Variants in PMS2 observed in about 807,000 individuals in gnomAD.
The protein encoded by PMS2 is mismatch repair endonuclease PMS2.
In PMS2, 69 loss-of-function variants were observed where a neutral mutation model predicts 90.0. The ratio of observed to expected loss-of-function variants is 0.77; its 90% CI spans 0.63 to 0.94. PMS2 has a LOEUF of 0.94. Ranked by LOEUF, PMS2 falls within the 40% of genes least tolerant of loss-of-function variation. The pLI is 0.00. For synonymous variants in PMS2, 332 were observed against 375.1 expected (o/e 0.89, Z 1.33); for missense variants, 966 against 1,040.2 (o/e 0.93, Z 0.98).
intron 2 of PMS2, among the ~76,000 whole-genome samples, chr7:6,005,619 G>A (rs1286400561): frequency 6.6e-6 from 1 of 152,162 alleles, no homozygotes; most frequent in Non-Finnish European, 1.5e-5. Flanking sequence ...TTATAGGCGT[G>A]AGACACCACG....
In PMS2 at chr7:5,978,709, A is replaced by G. The variant is rs748722013; in HGVS notation, c.2175-13T>C. 1.4e-5 allele frequency: 21 copies of G among 1,552,378 alleles called. 1 individual carries two copies. In the Admixed American group the frequency reaches 3.5e-4, roughly 26 times the overall value. On this transcript the variant is annotated splice_polypyrimidine_tract_variant and intron_variant, in intron 12 of 14. Coordinates refer to ENST00000265849, the MANE Select transcript of PMS2 (RefSeq NM_000535.7). ...GAGAGTCTGAGGTCTGAAAAACACA[A>G]AAATGATTCAAACCATATCCTGAAG... is the stretch of plus-strand genomic sequence containing the variant.
rs775240349 is a variant in PMS2, at chr7:5,996,577, TA to T, written c.803+748del. Among the ~76,000 whole-genome samples, 136 of 93,080 alleles carry T rather than the reference TA, an allele frequency of 1.5e-3. 1 individual carries two copies. The highest frequency in any genetic ancestry group is 1.9e-3 in the Non-Finnish European group (88 of 46,570). 61.1% of individuals were successfully genotyped at this position (93,080 alleles called of 152,430 possible). ...ACAAAGCAAGACTCCATCTCAAAGCTAAAAAAAAAAAAAATATATATATATA... is the reference window on the plus strand; with the variant it reads ...ACAAAGCAAGACTCCATCTCAAAGCTAAAAAAAAAAAAATATATATATATA... On this transcript the variant is annotated intron_variant, in intron 7 of 14. Coordinates refer to ENST00000265849, the MANE Select transcript of PMS2 (RefSeq NM_000535.7).
chr7:5,988,706 A>G (rs931771144), intron 10 of PMS2, among the ~76,000 whole-genome samples: 1 of 152,262 alleles, frequency 6.6e-6, no homozygotes, highest in Admixed American at 6.5e-5. Context: ...GGAACACTGT[A>G]TAGCGAACGA....
intron 8 of PMS2, among the ~76,000 whole-genome samples, chr7:5,995,051 T>A (rs1784226728): frequency 6.6e-6 from 1 of 152,054 alleles, no homozygotes; most frequent in Admixed American, 6.6e-5. Flanking sequence ...TATATATATT[T>A]TTTTGAAACA....
At chr7:6,008,959 G>A (rs1205413029) in intron 1 of PMS2, 38 bp downstream of exon 1, 8 of 1,611,678 alleles carry the variant, frequency 5.0e-6, no homozygotes, top group Non-Finnish European at 6.8e-6. Flanking sequence ...AAGAGGGCGC[G>A]CGAGAGGGGA....
intron 6 of PMS2, among the ~76,000 whole-genome samples, chr7:5,998,675 C>T (rs1368806607): frequency 7.1e-6 from 1 of 140,506 alleles, no homozygotes; most frequent in Non-Finnish European, 1.5e-5. Context: ...ACCTGGGCAA[C>T]AGAGCAAGAC....
chr7:5,991,511 C>T (rs1783725501), intron 9 of PMS2, among the ~76,000 whole-genome samples: 1 of 151,076 alleles, frequency 6.6e-6, no homozygotes, highest in South Asian at 2.1e-4. Context: ...TTAACATAGT[C>T]TCAAGTAGAA....
intron 7 of PMS2, among the ~76,000 whole-genome samples, chr7:5,997,067 A>G (rs978026769): frequency 6.6e-6 from 1 of 152,008 alleles, no homozygotes; most frequent in African/African-American, 2.4e-5. Flanking sequence ...ATACAAAATT[A>G]GCCGGGTGTG....
At chr7:5,998,920 G>T (rs917971799) in intron 6 of PMS2, among the ~76,000 whole-genome samples, 188 bp downstream of exon 6, 2 of 151,670 alleles carry the variant, frequency 1.3e-5, no homozygotes. Flanking sequence ...AATCTGGGAG[G>T]CGGAGGTTGC....
chr7:5,979,718 A>AT (rs1378592703), intron 12 of PMS2, among the ~76,000 whole-genome samples: 8 of 134,684 alleles, frequency 5.9e-5, no homozygotes, highest in Non-Finnish European at 1.1e-4. Context: ...ACAGGGTCTC[A>AT]CTATGTTGCC....
chr7:5,997,532 T>G, intron 6 of PMS2, 109 bp from the exon 7 acceptor site: 1 of 709,682 alleles, frequency 1.4e-6, no homozygotes, highest in South Asian at 1.7e-5. Flanking sequence ...CAAAAAAAAT[T>G]AAAAGAATCT....
chr7:5,981,387 G>A (rs1480657802), intron 12 of PMS2, among the ~76,000 whole-genome samples: 1 of 149,790 alleles, frequency 6.7e-6, no homozygotes, highest in East Asian at 2.0e-4. Context: ...TGGGACCACA[G>A]GCACACACCA....
chr7:5,989,997 C>G (rs1554298850), intron 9 of PMS2, 42 bp from the exon 10 acceptor site: 1 of 1,284,686 alleles, frequency 7.8e-7, no homozygotes, highest in South Asian at 1.4e-5. Context: ...TTTAAATTCA[C>G]TTTTATTTTA....
intron 13 of PMS2, among the ~76,000 whole-genome samples, chr7:5,978,136 G>C (rs1240898540): frequency 6.7e-6 from 1 of 149,920 alleles, no homozygotes; most frequent in Admixed American, 6.6e-5. Context: ...AAAAAAAAGT[G>C]AACACCTGAA....
At chr7:6,006,118 G>A (rs1412570230) in intron 1 of PMS2, 87 bp from the exon 2 acceptor site, 29 of 1,420,036 alleles carry the variant, frequency 2.0e-5, no homozygotes, top group African/African-American at 7.0e-5. Context: ...ACTCAACACT[G>A]TAAATAATTT....
At chr7:5,977,923 TC>T (rs2128677571) in intron 13 of PMS2, among the ~76,000 whole-genome samples, 166 bp from the exon 14 acceptor site, 1 of 150,730 alleles carries the variant, frequency 6.6e-6, no homozygotes, top group African/African-American at 2.4e-5. Flanking sequence ...ATACAGACCA[TC>T]CTGGCTAACA....
At chr7:6,005,459 C>A (rs1785626811) in intron 2 of PMS2, among the ~76,000 whole-genome samples, 1 of 152,182 alleles carries the variant, frequency 6.6e-6, no homozygotes, top group Non-Finnish European at 1.5e-5. Context: ...CCGCCTTGGC[C>A]TCCCAAAGTG....
rs758018736 is a variant in PMS2 at position 5,987,045 on chromosome 7, G to A, written c.1720C>T (p.Pro574Ser). 6.2e-7 allele frequency: 1 copy of A among 1,614,064 alleles called. No individual in the cohort carries two copies. The highest frequency in any genetic ancestry group is 1.7e-5 in the Admixed American group (1 of 59,986). ...VLPQPTNLATPNTKRFKKEEI... is the reference protein window; with the variant it reads ...VLPQPTNLATSNTKRFKKEEI... ...TCTTTTTTAAAACGCTTTGTGTTTG[G>A]GGTTGCGAGATTAGTTGGCTGAGGC... The change falls in exon 11 of 15, where the codon CCA (proline) becomes TCA (serine). Residue 574 changes from proline to serine, a missense_variant. Physicochemically the swap from Pro to Ser is moderately conservative, Grantham distance 74. Coordinates refer to ENST00000265849, the MANE Select transcript of PMS2 (RefSeq NM_000535.7).
chr7:5,996,872 A>G (rs1312206531), intron 7 of PMS2, among the ~76,000 whole-genome samples: 1 of 152,130 alleles, frequency 6.6e-6, no homozygotes, highest in Non-Finnish European at 1.5e-5. Flanking sequence ...TGTATAAATC[A>G]TCTTTCTTAG....
Sources: allele counts gnomAD v4.1 joint callset (sites outside exome capture counted in the v4.1 genomes callset), GRCh38; gene constraint gnomAD v4.1.1; transcripts MANE v1.5; gene names NCBI Gene and HGNC (gene_info 2026-07-23, HGNC 2026-07-21).